The following AKT3 variants were observed in gnomAD, a reference collection of about 807,000 sequenced individuals.
AKT3 encodes AKT serine/threonine kinase 3, also known as RAC-gamma serine/threonine-protein kinase.
AKT3 carries 15 observed loss-of-function variants against 65.3 expected under a neutral mutation model. The observed-to-expected ratio is 0.23, with a 90% CI of 0.15 to 0.35. AKT3 has a LOEUF of 0.35. Ranked by LOEUF, AKT3 falls within the 10% of genes least tolerant of loss-of-function variation. AKT3 has a pLI of 1.00. For missense variants in AKT3, 243 were observed against 576.5 expected (o/e 0.42, Z 5.92); for synonymous variants, 206 against 183.8 (o/e 1.12, Z -0.98).
At chr1:243,654,893 T>C (rs1207362744) in intron 4 of AKT3, among the ~76,000 whole-genome samples, 1 of 152,162 alleles carries the variant, frequency 6.6e-6, no homozygotes, top group Non-Finnish European at 1.5e-5. Context: ...TTTTTAATAG[T>C]CTAATGAGAT....
chr1:243,677,169 C>T (rs1328373190), intron 3 of AKT3, among the ~76,000 whole-genome samples: 1 of 152,198 alleles, frequency 6.6e-6, no homozygotes, highest in Non-Finnish European at 1.5e-5. Flanking sequence ...GATTTAACAA[C>T]TCATGCTGTT....
chr1:243,578,730 G>A (rs919219127), intron 8 of AKT3, among the ~76,000 whole-genome samples: 5 of 152,032 alleles, frequency 3.3e-5, no homozygotes, highest in African/African-American at 7.3e-5. Context: ...AAGGCAATTC[G>A]GGTAGCAATG....
chr1:243,646,475 C>T (rs187700619), intron 4 of AKT3, among the ~76,000 whole-genome samples: 14 of 152,132 alleles, frequency 9.2e-5, no homozygotes, highest in Non-Finnish European at 8.8e-5. Context: ...CTGTCTCAGC[C>T]TCCTGAGTAG....
intron 6 of AKT3, among the ~76,000 whole-genome samples, chr1:243,635,322 C>T (rs952868668): frequency 2.0e-5 from 3 of 151,346 alleles, no homozygotes; most frequent in Non-Finnish European, 4.4e-5. Context: ...AATGCTTATA[C>T]TAAATAAGAG....
At chr1:243,573,693 T>C (rs1674726150) in intron 8 of AKT3, among the ~76,000 whole-genome samples, 1 of 152,168 alleles carries the variant, frequency 6.6e-6, no homozygotes, top group East Asian at 1.9e-4. Context: ...TCAATGTATA[T>C]TCTATTTTCA....
chr1:243,562,017 A>G (rs1247882738), intron 10 of AKT3, among the ~76,000 whole-genome samples: 1 of 152,204 alleles, frequency 6.6e-6, no homozygotes, highest in Non-Finnish European at 1.5e-5. Flanking sequence ...AAGGAGATGC[A>G]TAAACAAATG....
intron 4 of AKT3, among the ~76,000 whole-genome samples, chr1:243,655,917 T>C (rs772487122): frequency 2.2e-4 from 34 of 152,164 alleles, no homozygotes; most frequent in Non-Finnish European, 3.7e-4. Flanking sequence ...CTTTCTTCAA[T>C]ACAGTTTTGG....
intron 2 of AKT3, among the ~76,000 whole-genome samples, chr1:243,825,414 A>G (rs1255108839): frequency 6.6e-6 from 1 of 152,236 alleles, no homozygotes; most frequent in Admixed American, 6.5e-5. Flanking sequence ...AAAAATCACA[A>G]TGACAACTAT....
intron 6 of AKT3, among the ~76,000 whole-genome samples, chr1:243,624,420 A>T (rs996026930): frequency 6.6e-6 from 1 of 152,248 alleles, no homozygotes; most frequent in Non-Finnish European, 1.5e-5. Context: ...TTTGCATTTC[A>T]AAGGAAATTA....
intron 13 of AKT3, among the ~76,000 whole-genome samples, chr1:243,494,437 T>A (rs1574425982): frequency 6.6e-6 from 1 of 152,250 alleles, no homozygotes; most frequent in East Asian, 1.9e-4. Flanking sequence ...AACTCCCTGC[T>A]GCCTGAGTGT....
chr1:243,537,619 T>G (rs1431083848), intron 12 of AKT3, among the ~76,000 whole-genome samples: 1 of 152,164 alleles, frequency 6.6e-6, no homozygotes, highest in Non-Finnish European at 1.5e-5. Flanking sequence ...TCCAGGCTCT[T>G]CTCCATAAGA....
intron 4 of AKT3, among the ~76,000 whole-genome samples, chr1:243,651,578 A>G (rs1326684055): frequency 6.6e-6 from 1 of 152,066 alleles, no homozygotes; most frequent in South Asian, 2.1e-4. Flanking sequence ...ATCGATACTT[A>G]GTTTATTGAG....
intron 10 of AKT3, among the ~76,000 whole-genome samples, chr1:243,555,506 A>T (rs1673348854): frequency 6.6e-6 from 1 of 152,196 alleles, no homozygotes; most frequent in South Asian, 2.1e-4. Flanking sequence ...TTATTTTAAG[A>T]AGACAATTTT....
chr1:243,808,570 T>C (rs1414588059), intron 2 of AKT3, among the ~76,000 whole-genome samples: 2 of 152,076 alleles, frequency 1.3e-5, no homozygotes, highest in East Asian at 1.9e-4. Context: ...CACCTGAAAG[T>C]GACAGGGAGA....
intron 12 of AKT3, among the ~76,000 whole-genome samples, chr1:243,516,057 C>A (rs1260599836): frequency 6.6e-6 from 1 of 151,920 alleles, no homozygotes; most frequent in Non-Finnish European, 1.5e-5. Flanking sequence ...GTTCTCTCAT[C>A]TTCAATTTTC....
At chr1:243,772,413 G>A (rs576840423) in intron 2 of AKT3, among the ~76,000 whole-genome samples, 11 of 152,270 alleles carry the variant, frequency 7.2e-5, no homozygotes, top group South Asian at 2.1e-4. Context: ...AGACAGTTAC[G>A]CAGCCAAAAG....
downstream of AKT3, among the ~76,000 whole-genome samples, chr1:243,498,541 C>T (rs1048765632): frequency 1.3e-4 from 20 of 152,354 alleles, no homozygotes; most frequent in East Asian, 1.9e-4. Flanking sequence ...GCTGAGACCA[C>T]CCCACTACTC....
chr1:243,820,769 A>G (rs1693809065), intron 2 of AKT3, among the ~76,000 whole-genome samples: 1 of 152,194 alleles, frequency 6.6e-6, no homozygotes, highest in Admixed American at 6.5e-5. Flanking sequence ...AACCTCTGAG[A>G]ACTATGGGAT....
intron 8 of AKT3, among the ~76,000 whole-genome samples, chr1:243,575,980 G>C (rs1674912028): frequency 6.6e-6 from 1 of 152,068 alleles, no homozygotes; most frequent in African/African-American, 2.4e-5. Flanking sequence ...AGATCAGATT[G>C]GTTAGGATCT....
Sources: gnomAD v4.1 joint callset for allele counts (sites outside exome capture counted in the v4.1 genomes callset) on GRCh38, gnomAD v4.1.1 for gene constraint, MANE v1.5 for transcripts, NCBI Gene and HGNC (gene_info 2026-07-23, HGNC 2026-07-21) for gene names.